LRP1B: variants seen among roughly 807,000 people sequenced by gnomAD.
LRP1B encodes the protein LDL receptor related protein 1B, also known as low-density lipoprotein receptor-related protein 1B.
LRP1B carries 217 observed loss-of-function variants against 556.6 expected under a neutral mutation model. The ratio of observed to expected loss-of-function variants is 0.39; its 90% CI spans 0.35 to 0.44. LRP1B has a LOEUF of 0.44. Among genes scored for constraint, LRP1B ranks in the 20% least tolerant of loss-of-function variants. The pLI is 1.00. For synonymous variants in LRP1B, 2,047 were observed against 1,865.8 expected (o/e 1.10, Z -2.50); for missense variants, 5,053 against 5,620.8 (o/e 0.90, Z 3.23).
chr2:140,758,891 C>T (rs780443764), intron 35 of LRP1B, among the ~76,000 whole-genome samples: 1 of 151,850 alleles, frequency 6.6e-6, no homozygotes, highest in Non-Finnish European at 1.5e-5. Context: ...TCATAGGAAA[C>T]AAAAATAAAA....
At chr2:141,856,457 C>T (rs770675311) in intron 1 of LRP1B, among the ~76,000 whole-genome samples, 2 of 152,058 alleles carry the variant, frequency 1.3e-5, no homozygotes, top group Non-Finnish European at 2.9e-5. Context: ...ACTGTTCATA[C>T]AAATTTCACC....
At chr2:141,152,634 G>A (rs542222674) in intron 7 of LRP1B, among the ~76,000 whole-genome samples, 4 of 151,650 alleles carry the variant, frequency 2.6e-5, no homozygotes, top group Admixed American at 1.3e-4. Flanking sequence ...GCCAGTCTGA[G>A]GTTTTATCAA....
chr2:141,877,289 G>A (rs1357640363), intron 1 of LRP1B, among the ~76,000 whole-genome samples: 1 of 151,920 alleles, frequency 6.6e-6, no homozygotes, highest in Non-Finnish European at 1.5e-5. Flanking sequence ...ACTGCCCACA[G>A]GATTTCTGTT....
At chr2:141,273,612 C>A (rs964318009) in intron 3 of LRP1B, among the ~76,000 whole-genome samples, 35 of 152,048 alleles carry the variant, frequency 2.3e-4, no homozygotes, top group African/African-American at 8.5e-4. Context: ...AAAAGAGTTA[C>A]AACGAGAAAA....
At chr2:140,752,582 C>T (rs1429160629) in intron 35 of LRP1B, among the ~76,000 whole-genome samples, 1 of 152,148 alleles carries the variant, frequency 6.6e-6, no homozygotes, top group African/African-American at 2.4e-5. Flanking sequence ...GCCTGGGCCT[C>T]CCAGAGTGCT....
intron 17 of LRP1B, among the ~76,000 whole-genome samples, chr2:140,983,081 T>G (rs1299041602): frequency 6.9e-6 from 1 of 144,294 alleles, no homozygotes; most frequent in Non-Finnish European, 1.5e-5. Flanking sequence ...CAGGGCAACT[T>G]TTAAAAAGCA....
At chr2:140,900,623 T>G (rs1024567476) in intron 23 of LRP1B, among the ~76,000 whole-genome samples, 14 of 152,182 alleles carry the variant, frequency 9.2e-5, no homozygotes, top group African/African-American at 2.9e-4. Context: ...ATCTATTAAC[T>G]GCATATTATT....
intron 20 of LRP1B, among the ~76,000 whole-genome samples, chr2:140,932,048 A>T (rs1016752067): frequency 2.3e-4 from 35 of 152,286 alleles, no homozygotes; most frequent in African/African-American, 7.7e-4. Context: ...AACAAAAGAT[A>T]TTATTTAATT....
intron 2 of LRP1B, among the ~76,000 whole-genome samples, chr2:141,613,359 C>T (rs1040863008): frequency 1.3e-5 from 2 of 152,068 alleles, no homozygotes; most frequent in Non-Finnish European, 2.9e-5. Flanking sequence ...GTTGCATGAC[C>T]GTTTATTTAA....
chr2:141,614,080 C>CAGAAAAAAAAAAA (rs1553543025), intron 2 of LRP1B, among the ~76,000 whole-genome samples: 547 of 47,360 alleles, frequency 0.012, 40 homozygotes, highest in South Asian at 0.085. Context: ...AACTCAGCCT[C>CAGAAAAAAAAAAA]AAAAAAAAAA....
chr2:141,294,913 T>C (rs1686124319), intron 3 of LRP1B, among the ~76,000 whole-genome samples: 1 of 152,074 alleles, frequency 6.6e-6, no homozygotes, highest in Admixed American at 6.6e-5. Context: ...AAAAAATTGC[T>C]TGTTATTTAT....
At chr2:141,816,348 G>A (rs1321489611) in intron 1 of LRP1B, among the ~76,000 whole-genome samples, 1 of 152,132 alleles carries the variant, frequency 6.6e-6, no homozygotes, top group African/African-American at 2.4e-5. Flanking sequence ...TGTCAGCGTG[G>A]CTAGAATAAA....
chr2:140,769,104 T>A, intron 35 of LRP1B, 109 bp downstream of exon 35: 1 of 1,016,570 alleles, frequency 9.8e-7, no homozygotes, highest in South Asian at 1.5e-5. Context: ...GCTGCTTTCT[T>A]ATTTCTCATC....
At chr2:141,432,322 G>A (rs1465058088) in intron 3 of LRP1B, among the ~76,000 whole-genome samples, 1 of 151,964 alleles carries the variant, frequency 6.6e-6, no homozygotes, top group East Asian at 1.9e-4. Flanking sequence ...TATGTTATAT[G>A]TCGTTAGCTT....
intron 2 of LRP1B, among the ~76,000 whole-genome samples, chr2:141,508,429 G>A (rs1684009635): frequency 1.3e-5 from 2 of 152,158 alleles, no homozygotes; most frequent in Admixed American, 6.5e-5. Context: ...CACTTTTCCA[G>A]AACTTGTTTA....
intron 7 of LRP1B, among the ~76,000 whole-genome samples, chr2:141,139,700 G>C (rs975258248): frequency 1.3e-4 from 20 of 151,794 alleles, no homozygotes; most frequent in Admixed American, 1.3e-3. Context: ...ACTAGACCAA[G>C]TGTTGGCAAA....
chr2:140,439,070 G>A (rs570636639), intron 66 of LRP1B, among the ~76,000 whole-genome samples: 1 of 152,278 alleles, frequency 6.6e-6, no homozygotes, highest in Admixed American at 6.5e-5. Flanking sequence ...TTTTAGAAAA[G>A]TTACAACTCT....
At chr2:140,421,586 C>A (rs2105266596) in intron 66 of LRP1B, among the ~76,000 whole-genome samples, 1 of 152,198 alleles carries the variant, frequency 6.6e-6, no homozygotes, top group South Asian at 2.1e-4. Context: ...CTTCTCTCTC[C>A]ATTGTAGTAT....
At chr2:141,467,846 G>T (rs1682301843) in intron 3 of LRP1B, among the ~76,000 whole-genome samples, 1 of 53,152 alleles carries the variant, frequency 1.9e-5, no homozygotes, top group South Asian at 7.7e-4. Flanking sequence ...GACCGGGGGG[G>T]GGGGAATTCC....
Sources: allele counts gnomAD v4.1 joint callset (sites outside exome capture counted in the v4.1 genomes callset), GRCh38; gene constraint gnomAD v4.1.1; transcripts MANE v1.5; gene names NCBI Gene and HGNC (gene_info 2026-07-23, HGNC 2026-07-21).